The following ROR1 variants were observed in gnomAD, a reference collection of about 807,000 sequenced individuals.
ROR1 encodes the protein ROR family WNT receptor 1.
ROR1 carries 19 observed loss-of-function variants against 78.8 expected under a neutral mutation model. The ratio of observed to expected loss-of-function variants is 0.24; its 90% CI spans 0.17 to 0.35. ROR1 has a LOEUF of 0.35. Ranked by LOEUF, ROR1 falls within the 10% of genes least tolerant of loss-of-function variation. ROR1 has a pLI of 1.00. For missense variants in ROR1, 917 were observed against 1,177.8 expected (o/e 0.78, Z 3.24); for synonymous variants, 386 against 433.6 (o/e 0.89, Z 1.36).
At chr1:64,089,954 A>G (rs1169190608) in intron 4 of ROR1, among the ~76,000 whole-genome samples, 2 of 152,020 alleles carry the variant, frequency 1.3e-5, no homozygotes, top group Non-Finnish European at 2.9e-5. Flanking sequence ...TGAGGTTCTC[A>G]TTCCCTTTTG....
At chr1:64,117,266 C>A (rs148621755) in intron 4 of ROR1, among the ~76,000 whole-genome samples, 134 of 152,264 alleles carry the variant, frequency 8.8e-4, no homozygotes, top group African/African-American at 2.0e-3. Context: ...TATTTGATCT[C>A]TTCGACCTCA....
chr1:63,853,767 G>A (rs1043963209), intron 1 of ROR1, among the ~76,000 whole-genome samples: 1 of 152,162 alleles, frequency 6.6e-6, no homozygotes, highest in African/African-American at 2.4e-5. Context: ...GGTTTCCTTA[G>A]TGAAACACTA....
chr1:64,062,873 G>A (rs1646928055), intron 4 of ROR1, among the ~76,000 whole-genome samples: 1 of 152,118 alleles, frequency 6.6e-6, no homozygotes, highest in African/African-American at 2.4e-5. Flanking sequence ...CATAAATATT[G>A]TATGTAATTA....
At chr1:64,146,742 C>T (rs1649484640) in intron 7 of ROR1, among the ~76,000 whole-genome samples, 2 of 152,174 alleles carry the variant, frequency 1.3e-5, no homozygotes, top group African/African-American at 4.8e-5. Flanking sequence ...CCAGATCAAA[C>T]CCATGCTAGG....
At chr1:63,854,170 T>C (rs1399792387) in intron 1 of ROR1, among the ~76,000 whole-genome samples, 2 of 151,884 alleles carry the variant, frequency 1.3e-5, no homozygotes, top group African/African-American at 4.8e-5. Context: ...TTCCAATGAA[T>C]TTTTTTTTAT....
chr1:64,128,412 T>C (rs1386897450), intron 4 of ROR1, among the ~76,000 whole-genome samples: 2 of 151,796 alleles, frequency 1.3e-5, no homozygotes, highest in Non-Finnish European at 2.9e-5. Context: ...GAGGCTGCAG[T>C]GAGCTGTGGT....
At chr1:63,926,497 T>C (rs1208032075) in intron 1 of ROR1, among the ~76,000 whole-genome samples, 1 of 151,742 alleles carries the variant, frequency 6.6e-6, no homozygotes, top group Non-Finnish European at 1.5e-5. Flanking sequence ...TGCGGGCTCT[T>C]TTTTGGTTCC....
At chr1:63,894,228 C>T (rs1569871804) in intron 1 of ROR1, among the ~76,000 whole-genome samples, 1 of 152,002 alleles carries the variant, frequency 6.6e-6, no homozygotes, top group African/African-American at 2.4e-5. Context: ...CAGGATGGCC[C>T]AAGATTTCAT....
intron 4 of ROR1, among the ~76,000 whole-genome samples, chr1:64,117,786 C>T (rs1471455774): frequency 6.6e-6 from 1 of 152,210 alleles, no homozygotes; most frequent in Non-Finnish European, 1.5e-5. Context: ...TCCACAACAC[C>T]ACACTGGTTC....
At chr1:63,912,312 A>C (rs1269614931) in intron 1 of ROR1, among the ~76,000 whole-genome samples, 1 of 144,798 alleles carries the variant, frequency 6.9e-6, no homozygotes, top group East Asian at 2.1e-4. Flanking sequence ...AAAAAAAAAA[A>C]CAAAAAACAG....
intron 4 of ROR1, among the ~76,000 whole-genome samples, chr1:64,062,459 C>T (rs149558375): frequency 0.042 from 6,390 of 152,082 alleles, 456 homozygotes; most frequent in African/African-American, 0.15. Flanking sequence ...CTACAGGCGC[C>T]CGCCACCATG....
chr1:63,823,922 A>G (rs1002385341), intron 1 of ROR1, among the ~76,000 whole-genome samples: 3 of 151,054 alleles, frequency 2.0e-5, no homozygotes, highest in Non-Finnish European at 2.9e-5. Context: ...TCATTTTTGT[A>G]TTTTTAGTAG....
At chr1:64,140,462 A>G (rs1325473690) in intron 6 of ROR1, 36 bp downstream of exon 6, 2 of 1,589,116 alleles carry the variant, frequency 1.3e-6, no homozygotes, top group Non-Finnish European at 1.7e-6. Context: ...TGCTCTTCTA[A>G]GGGTCAGCAA....
intron 1 of ROR1, among the ~76,000 whole-genome samples, chr1:63,937,804 C>T (rs969563693): frequency 6.6e-6 from 1 of 152,166 alleles, no homozygotes; most frequent in Non-Finnish European, 1.5e-5. Context: ...ACATGGATTG[C>T]AAAGGAGGAA....
intron 1 of ROR1, among the ~76,000 whole-genome samples, chr1:63,884,318 T>C (rs145472111): frequency 6.6e-6 from 1 of 152,292 alleles, no homozygotes; most frequent in African/African-American, 2.4e-5. Context: ...AGTCAGACTG[T>C]TGGTGCCTGC....
At chr1:63,825,607 G>A (rs746232509) in intron 1 of ROR1, among the ~76,000 whole-genome samples, 1 of 152,210 alleles carries the variant, frequency 6.6e-6, no homozygotes, top group African/African-American at 2.4e-5. Context: ...GTGATTGCAC[G>A]ACTGTATATA....
At chr1:63,958,166 G>T (rs1645998908) in intron 1 of ROR1, among the ~76,000 whole-genome samples, 1 of 152,094 alleles carries the variant, frequency 6.6e-6, no homozygotes, top group Non-Finnish European at 1.5e-5. Context: ...TTACTGACAT[G>T]AATTATTTAT....
At position 64,177,563 on chromosome 1, in the gene ROR1, T is replaced by C. The variant is rs1323506421; in HGVS notation, c.1522T>C (p.Leu508=). The C allele has an allele frequency of 6.2e-7, 1 of 1,614,056 alleles. No individual in the cohort carries two copies. Residue 508 remains leucine, a synonymous_variant, in exon 9 of 9, where the codon TTG becomes CTG. Transcript: ENST00000371079. ...DHAQLVAIKT[L]KDYNNPQQWT... is the part of the protein sequence containing the mutation. ...TGCTCAGCTGGTTGCTATCAAGACCTTGAAAGACTATAACAACCCCCAGCA... is the reference window on the plus strand; with the variant it reads ...TGCTCAGCTGGTTGCTATCAAGACCCTGAAAGACTATAACAACCCCCAGCA...
intron 1 of ROR1, among the ~76,000 whole-genome samples, chr1:63,972,130 A>G (rs193003415): frequency 1.3e-3 from 201 of 152,280 alleles, no homozygotes; most frequent in African/African-American, 4.5e-3. Context: ...CACTATGCCT[A>G]CGTCTCATGC....
Sources: allele counts gnomAD v4.1 joint callset (sites outside exome capture counted in the v4.1 genomes callset), GRCh38; gene constraint gnomAD v4.1.1; transcripts MANE v1.5; gene names NCBI Gene and HGNC (gene_info 2026-07-23, HGNC 2026-07-21).